Variants in IL18RAP observed in about 807,000 individuals in gnomAD.
IL18RAP encodes the protein interleukin 18 receptor accessory protein, also known as interleukin-18 receptor accessory protein.
A neutral mutation model predicts 58.1 loss-of-function variants in IL18RAP; 37 were observed. That is an observed-to-expected ratio of 0.64 (90% confidence interval 0.49 to 0.84). The LOEUF (loss-of-function observed/expected upper bound fraction) is 0.84, where lower values mean the gene tolerates loss of function less well. IL18RAP is among the 40% of genes least tolerant of loss of function. The pLI is 0.00. For missense variants in IL18RAP, 667 were observed against 704.8 expected, an observed-to-expected ratio of 0.95 and a Z score of 0.61; for synonymous variants, 268 against 257.5, an observed-to-expected ratio of 1.04 and a Z score of -0.39.
intron 3 of IL18RAP, chr2:102,434,852 A>G (rs1229174871): frequency 6.6e-6 from 1 of 152,208 alleles, no homozygotes; most frequent in Non-Finnish European, 1.5e-5. Context: ...GATTGTTGTT[A>G]GCAAATGCAA....
intron 3 of IL18RAP, chr2:102,435,269 T>C (rs756405721): frequency 1.3e-5 from 2 of 152,190 alleles, no homozygotes; most frequent in Admixed American, 6.5e-5. Flanking sequence ...GTTTGAACTT[T>C]ATGAGTGTGA....
At chr2:102,435,424 T>C (rs1000208207) in intron 3 of IL18RAP, 4 of 152,238 alleles carry the variant, frequency 2.6e-5, no homozygotes, top group African/African-American at 9.6e-5. Flanking sequence ...TTGGTGTTTT[T>C]CTGGCTCAAC....
At chr2:102,422,116 C>T (rs1244863484), upstream of IL18RAP, among the ~76,000 whole-genome samples, 2 of 152,184 alleles carry the variant, frequency 1.3e-5, no homozygotes, top group African/African-American at 4.8e-5. Flanking sequence ...CCTCTCTCTC[C>T]ACCCTGAAGC....
At chr2:102,441,720 T>C (rs1183481783) in intron 5 of IL18RAP, among the ~76,000 whole-genome samples, 1 of 152,050 alleles carries the variant, frequency 6.6e-6, no homozygotes. Flanking sequence ...AAACCCCATC[T>C]CTACTAAAAC....
rs764677669 is a variant in IL18RAP at position 102,423,971 on chromosome 2, C to T, written c.231C>T (p.Asn77=). The change falls in exon 2 of 10, where the codon AAC becomes AAT. Residue 77 remains asparagine (N), a synonymous_variant. Coordinates refer to ENST00000687160, the MANE Select transcript of IL18RAP (RefSeq NM_001393487.1). ...VPEHLPFMGS[N]DLSDVQWYQQ... is the part of the protein sequence containing the mutation. ...AGCACCTGCCCTTCATGGGTAGTAACGACCTATCTGATGTCCAATGGTACC... is the reference window on the plus strand; with the variant it reads ...AGCACCTGCCCTTCATGGGTAGTAATGACCTATCTGATGTCCAATGGTACC... 51 of 1,613,954 alleles carry T rather than the reference C, an allele frequency of 3.2e-5. No homozygotes were observed. Among genetic ancestry groups the T allele is most frequent in the East Asian group, 1.1e-4 (5 of 44,886 alleles).
At chr2:102,445,076 A>T (rs1045464707) in intron 6 of IL18RAP, 113 bp from the exon 7 acceptor site, 1 of 795,700 alleles carries the variant, frequency 1.3e-6, no homozygotes, top group Non-Finnish European at 2.0e-6. Flanking sequence ...TATACTATTG[A>T]TCTCACAGTT....
intron 3 of IL18RAP, among the ~76,000 whole-genome samples, chr2:102,435,888 G>C (rs944638907): frequency 6.7e-6 from 1 of 148,232 alleles, no homozygotes; most frequent in Admixed American, 6.8e-5. Context: ...GAAGACTTAC[G>C]GACATTATTC....
intron 3 of IL18RAP, among the ~76,000 whole-genome samples, chr2:102,435,843 A>ATTTT (rs60082330): frequency 7.3e-6 from 1 of 137,584 alleles, no homozygotes; most frequent in Admixed American, 7.2e-5. Flanking sequence ...CAGTGTCTTC[A>ATTTT]TTTTTTTTTT....
upstream of IL18RAP, among the ~76,000 whole-genome samples, chr2:102,421,195 G>C (rs1410190033): frequency 6.6e-6 from 1 of 152,190 alleles, no homozygotes; most frequent in Non-Finnish European, 1.5e-5. Context: ...AGTTTTAGGA[G>C]TAAGATATTT....
At chr2:102,449,883 C>CT (rs2104387986) in intron 8 of IL18RAP, among the ~76,000 whole-genome samples, 1 of 152,282 alleles carries the variant, frequency 6.6e-6, no homozygotes, top group South Asian at 2.1e-4. Flanking sequence ...CAATGAGGTG[C>CT]TTCATAGGTT....
chr2:102,427,963 T>C (rs1445609801), intron 3 of IL18RAP, among the ~76,000 whole-genome samples: 1 of 148,636 alleles, frequency 6.7e-6, no homozygotes, highest in Non-Finnish European at 1.5e-5. Flanking sequence ...CCTTTCCCCA[T>C]TGTGTGTTCT....
At chr2:102,439,175 G>A (rs1682944535) in intron 4 of IL18RAP, 1 of 152,262 alleles carries the variant, frequency 6.6e-6, no homozygotes, top group African/African-American at 2.4e-5. Flanking sequence ...TTTTAAGTGG[G>A]AGAATGTCGT....
chr2:102,436,768 CAATAT>C (rs1448707383), intron 3 of IL18RAP, among the ~76,000 whole-genome samples: 1 of 150,514 alleles, frequency 6.6e-6, no homozygotes, highest in African/African-American at 2.5e-5. Context: ...TAAATATATA[CAATAT>C]ATGTTATATA....
rs752605497 is a variant in IL18RAP, at chr2:102,423,992, G to T, written c.252G>T (p.Trp84Cys). Residue 84 changes from tryptophan to cysteine, a missense_variant, in exon 2 of 10, where the codon TGG becomes TGT. Coordinates refer to ENST00000687160, the MANE Select transcript of IL18RAP (RefSeq NM_001393487.1). Reference protein sequence around the residue: ...MGSNDLSDVQWYQQPSNGDPL... With the variant: ...MGSNDLSDVQCYQQPSNGDPL... ...GTAACGACCTATCTGATGTCCAATG[G>T]TACCAACAACCTTCGAATGGAGATC... The T allele has an allele frequency of 6.2e-7, 1 of 1,614,024 alleles. No homozygotes were observed. Among genetic ancestry groups the T allele is most frequent in the South Asian group, 1.1e-5 (1 of 91,084 alleles).
upstream of IL18RAP, among the ~76,000 whole-genome samples, chr2:102,421,740 G>C (rs115128779): frequency 3.1e-3 from 468 of 152,264 alleles, 1 homozygote; most frequent in Non-Finnish European, 5.5e-3. Context: ...AGCCAGGTCA[G>C]CATCAGCAGC....
chr2:102,436,295 T>C (rs1203079938), intron 3 of IL18RAP, among the ~76,000 whole-genome samples: 1 of 152,234 alleles, frequency 6.6e-6, no homozygotes, highest in East Asian at 1.9e-4. Context: ...CTGATCTTTA[T>C]ATGTTATCAC....
rs764568792 is a variant in IL18RAP at position 102,445,269 on chromosome 2, A to G, written c.1001A>G (p.Lys334Arg). 9.3e-6 allele frequency: 15 copies of G among 1,614,062 alleles called. No individual in the cohort carries two copies. The highest frequency in any genetic ancestry group is 1.3e-5 in the Non-Finnish European group (15 of 1,180,000). Residue 334 changes from lysine to arginine, a missense_variant, in exon 7 of 10, where the codon AAG becomes AGG. Lys to Arg is a conservative substitution (Grantham distance 26). Coordinates refer to ENST00000687160, the MANE Select transcript of IL18RAP (RefSeq NM_001393487.1). Reference protein sequence around the residue: ...EKVTQRDLRRKFVCFVQNSIG... With the variant: ...EKVTQRDLRRRFVCFVQNSIG... ...GTCACTCAGCGTGATCTTCGCAGGA[A>G]GTTTGTTTGCTTTGTCCAGAACTCC...
chr2:102,438,783 G>C (rs1175022954), intron 4 of IL18RAP: 1 of 152,184 alleles, frequency 6.6e-6, no homozygotes, highest in African/African-American at 2.4e-5. Flanking sequence ...TGGAGCTAAG[G>C]CTACAAGAAT....
At position 102,428,660 on chromosome 2, in the gene IL18RAP, C is replaced by T. The variant is rs75209427; in HGVS notation, c.579+4246C>T. On this transcript the variant is annotated intron_variant, in intron 3 of 9. Coordinates refer to ENST00000687160, the MANE Select transcript of IL18RAP (RefSeq NM_001393487.1). ...AGATCATGTCACCAACAAATAAAGG[C>T]AATTTTACTTGTTTTTCTACTAAAA... Among the ~76,000 whole-genome samples the T allele has an allele frequency of 8.3e-3, 1,267 of 151,988 alleles. 18 individuals carry two copies. Among genetic ancestry groups the T allele is most frequent in the African/African-American group, 0.028 (1,168 of 41,530 alleles).
Sources: allele counts gnomAD v4.1 joint callset (sites outside exome capture counted in the v4.1 genomes callset), GRCh38; gene constraint gnomAD v4.1.1; transcripts MANE v1.5; gene names NCBI Gene and HGNC (gene_info 2026-07-23, HGNC 2026-07-21).